The following RDH8 variants were observed in gnomAD, a reference collection of about 807,000 sequenced individuals.
The protein encoded by RDH8 is photoreceptor outer segment all-trans retinol dehydrogenase.
Under a neutral mutation model 22.3 loss-of-function variants are expected in RDH8, and 14 were observed. The observed-to-expected ratio is 0.63, with a 90% CI of 0.42 to 0.98. The LOEUF is 0.98. Ranked by LOEUF, RDH8 falls within the 50% of genes least tolerant of loss-of-function variation. The pLI is 0.00. For missense variants in RDH8, 389 were observed against 409.8 expected (o/e 0.95, Z 0.44); for synonymous variants, 175 against 171.7 (o/e 1.02, Z -0.15).
intron 1 of RDH8, among the ~76,000 whole-genome samples, chr19:10,014,956 C>T (rs2087598934): frequency 6.6e-6 from 1 of 152,194 alleles, no homozygotes; most frequent in Non-Finnish European, 1.5e-5. Flanking sequence ...CCCTTGCACC[C>T]ATGTTTCCCA....
rs761677789 is a variant in RDH8, at chr19:10,018,758, G to A, written c.290G>A (p.Gly97Glu). 31 of 1,611,564 alleles carry A rather than the reference G, an allele frequency of 1.9e-5. No homozygotes were observed. In the Admixed American group the frequency reaches 4.0e-4, roughly 21 times the overall value. Residue 97 changes from glycine (G) to glutamate (E), a missense_variant, in exon 3 of 6, where the codon GGG becomes GAG. By Grantham distance (98) the Gly-to-Glu change is moderately conservative (BLOSUM62 -2). Coordinates refer to ENST00000591589, the MANE Select transcript of RDH8 (RefSeq NM_015725.4). Reference sequence around the variant, plus strand: ...AATAATGCTGGAATGGGCCTGGTGGGGCCCCTGGAGGGGCTCAGCCTTGCT... The same window carrying A: ...AATAATGCTGGAATGGGCCTGGTGGAGCCCCTGGAGGGGCTCAGCCTTGCT... ...LVNNAGMGLV[G>E]PLEGLSLAAM...
At chr19:10,015,380 G>C (rs924192918) in intron 1 of RDH8, among the ~76,000 whole-genome samples, 3 of 151,996 alleles carry the variant, frequency 2.0e-5, no homozygotes, top group African/African-American at 7.3e-5. Context: ...GTGAACCTGT[G>C]GGGTGGAGCT....
rs184814224 is a variant in RDH8, at chr19:10,021,766, C to T, written c.*17C>T. 11 of 1,608,668 alleles carry T rather than the reference C, an allele frequency of 6.8e-6. No homozygotes were observed. Among genetic ancestry groups the T allele is most frequent in the South Asian group, 3.3e-5 (3 of 90,966 alleles). ...CCAAGATGAGCAGAACAGAGCTTCACGATCCCCATCCCTGAACAACCAGAC... is the reference window on the plus strand; with the variant it reads ...CCAAGATGAGCAGAACAGAGCTTCATGATCCCCATCCCTGAACAACCAGAC... On this transcript the variant is annotated 3_prime_UTR_variant, in exon 6 of 6. Coordinates refer to ENST00000591589, the MANE Select transcript of RDH8 (RefSeq NM_015725.4).
At chr19:10,016,831 A>G (rs2145165835) in intron 1 of RDH8, among the ~76,000 whole-genome samples, 1 of 152,268 alleles carries the variant, frequency 6.6e-6, no homozygotes, top group African/African-American at 2.4e-5. Context: ...TGTATAGTAG[A>G]TGCTCAATAA....
chr19:10,021,573 C>A lies in RDH8; in HGVS notation c.760C>A (p.Arg254Ser). The A allele has an allele frequency of 3.7e-6, 6 of 1,614,136 alleles. No individual in the cohort carries two copies. The highest frequency in any genetic ancestry group is 5.1e-6 in the Non-Finnish European group (6 of 1,180,026). Residue 254 changes from arginine (R) to serine (S), a missense_variant, in exon 6 of 6, where the codon CGC (arginine) becomes AGC (serine). Physicochemically the swap from Arg to Ser is moderately radical, Grantham distance 110 (BLOSUM62 -1). Coordinates refer to ENST00000591589, the MANE Select transcript of RDH8 (RefSeq NM_015725.4). ...CATCAGCTCGACTCGACCACCCCTG[C>A]GCCGACAGACCAACATCCGCTACTC... ...NVISSTRPPL[R>S]RQTNIRYSPL...
intron 1 of RDH8, among the ~76,000 whole-genome samples, chr19:10,014,059 G>A (rs2087589992): frequency 6.6e-6 from 1 of 152,112 alleles, no homozygotes; most frequent in South Asian, 2.1e-4. Context: ...CTTTTACTGA[G>A]ATAAGCTTCT....
At position 10,013,710 on chromosome 19, in the gene RDH8, G is replaced by A. The variant is rs574463643; in HGVS notation, c.103+110G>A. The A allele has an allele frequency of 2.1e-4, 244 of 1,136,684 alleles. 3 individuals carry two copies. The South Asian group carries it at 2.9e-3, about 13-fold the overall frequency. 70.4% of individuals were successfully genotyped at this position (1,136,684 alleles called of 1,614,324 possible). The stretch of plus-strand genomic sequence containing the variant: ...GCACTTGTGGGCTTGGGGAGACCCA[G>A]GATTCCCTCCAGGAATCATCCCCTC... On this transcript the variant is annotated intron_variant, in intron 1 of 5. Coordinates refer to ENST00000591589, the MANE Select transcript of RDH8 (RefSeq NM_015725.4).
chr19:10,021,654 A>T lies in RDH8; in HGVS notation c.841A>T (p.Thr281Ser). The change falls in exon 6 of 6, where the codon ACC becomes TCC. Residue 281 changes from threonine to serine, a missense_variant. Physicochemically the swap from Thr to Ser is moderately conservative, Grantham distance 58. Coordinates refer to ENST00000591589, the MANE Select transcript of RDH8 (RefSeq NM_015725.4). ...CTCTGGCAGCCTGTATGTGCGAACG[A>T]CCCACCGCCTCCTCTTCCGCTGTCC... ...DSSGSLYVRT[T>S]HRLLFRCPRL... 6.2e-7 allele frequency: 1 copy of T among 1,613,880 alleles called. No homozygotes were observed. Among genetic ancestry groups the T allele is most frequent in the Non-Finnish European group, 8.5e-7 (1 of 1,179,964 alleles).
At position 10,019,061 on chromosome 19, in the gene RDH8, C is replaced by G; in HGVS notation, c.442+151C>G. Reference sequence around the variant, plus strand: ...CCTGTAATCTTAGCACTTTGGGAGGCTGAGACGGGTGGATTGCCTGAGCTC... The same window carrying G: ...CCTGTAATCTTAGCACTTTGGGAGGGTGAGACGGGTGGATTGCCTGAGCTC... On this transcript the variant is annotated intron_variant, in intron 3 of 5. Coordinates refer to ENST00000591589, the MANE Select transcript of RDH8 (RefSeq NM_015725.4). 3 of 626,288 alleles carry G rather than the reference C, an allele frequency of 4.8e-6. No homozygotes were observed. In the South Asian group the frequency reaches 8.1e-5, roughly 17 times the overall value. 38.8% of individuals were successfully genotyped at this position (626,288 alleles called of 1,614,324 possible).
intron 3 of RDH8, among the ~76,000 whole-genome samples, chr19:10,020,359 A>AGGGGG (rs3075722): frequency 8.4e-6 from 1 of 119,398 alleles, no homozygotes; most frequent in African/African-American, 3.0e-5. Context: ...GGAGGGAGGG[A>AGGGGG]GGAAGGAAGG....
intron 3 of RDH8, among the ~76,000 whole-genome samples, 196 bp from the exon 4 acceptor site, chr19:10,020,513 C>T (rs902427509): frequency 6.6e-6 from 1 of 152,012 alleles, no homozygotes; most frequent in Non-Finnish European, 1.5e-5. Flanking sequence ...GCACCCGGCA[C>T]CCGAGAACAA....
At chr19:10,014,698 C>T (rs548940814) in intron 1 of RDH8, among the ~76,000 whole-genome samples, 5 of 152,172 alleles carry the variant, frequency 3.3e-5, no homozygotes, top group South Asian at 4.2e-4. Flanking sequence ...CCACCACACC[C>T]GGCTAAGTTT....
At chr19:10,015,204 C>T (rs1015414030) in intron 1 of RDH8, among the ~76,000 whole-genome samples, 2 of 152,122 alleles carry the variant, frequency 1.3e-5, no homozygotes, top group African/African-American at 4.8e-5. Flanking sequence ...GTAATCTCAG[C>T]ACTTTGGGAG....
At chr19:10,020,369 G>GGAGGGAGGGAGGGAGA (rs1164580378) in intron 3 of RDH8, among the ~76,000 whole-genome samples, 1 of 138,550 alleles carries the variant, frequency 7.2e-6, no homozygotes, top group Non-Finnish European at 1.5e-5. Context: ...AGGAAGGAAG[G>GGAGGGAGGGAGGGAGA]AAGGGAGGGA....
At position 10,018,911 on chromosome 19, in the gene RDH8, G is replaced by T. The variant is rs1418249308; in HGVS notation, c.442+1G>T. Reference sequence around the variant, plus strand: ...ATCAGCAGTGTCATGGGCCTGCAGGGTGAGCTGTGGGGACCCAACCCTGGA... The same window carrying T: ...ATCAGCAGTGTCATGGGCCTGCAGGTTGAGCTGTGGGGACCCAACCCTGGA... On this transcript the variant is annotated splice_donor_variant, in intron 3 of 5. Coordinates refer to ENST00000591589, the MANE Select transcript of RDH8 (RefSeq NM_015725.4). LOFTEE classifies it high-confidence loss of function. The T allele has an allele frequency of 1.3e-6, 2 of 1,598,814 alleles. No individual in the cohort carries two copies. The highest frequency in any genetic ancestry group is 1.7e-6 in the Non-Finnish European group (2 of 1,169,756).
In RDH8 at chr19:10,013,539, A is replaced by G. The variant is rs1261146917; in HGVS notation, c.42A>G (p.Ser14=). 6.2e-7 allele frequency: 1 copy of G among 1,609,230 alleles called. No homozygotes were observed. Among genetic ancestry groups the G allele is most frequent in the East Asian group, 2.2e-5 (1 of 44,678 alleles). ...APRTVLISGC[S]SGIGLELAVQ... ...GGACTGTGTTGATCTCCGGCTGCTC[A>G]TCAGGAATTGGTCTGGAACTTGCAG... Residue 14 remains serine, a synonymous_variant, in exon 1 of 6, where the codon TCA becomes TCG. Coordinates refer to ENST00000591589, the MANE Select transcript of RDH8 (RefSeq NM_015725.4).
intron 3 of RDH8, 44 bp from the exon 4 acceptor site, chr19:10,020,665 C>A: frequency 7.3e-7 from 1 of 1,363,096 alleles, no homozygotes; most frequent in Non-Finnish European, 1.0e-6. Context: ...ACAAAGCCCA[C>A]CTCCCAGACC....
At chr19:10,015,478 A>G (rs548349106) in intron 1 of RDH8, among the ~76,000 whole-genome samples, 3 of 152,114 alleles carry the variant, frequency 2.0e-5, no homozygotes, top group Admixed American at 6.6e-5. Flanking sequence ...AAATATACAA[A>G]AATTAGCCAG....
chr19:10,019,068 G>A (rs192917571), intron 3 of RDH8, among the ~76,000 whole-genome samples, 158 bp downstream of exon 3: 14 of 152,098 alleles, frequency 9.2e-5, no homozygotes, highest in Admixed American at 5.9e-4. Flanking sequence ...AGGCTGAGAC[G>A]GGTGGATTGC....
Sources: gnomAD v4.1 joint callset for allele counts (sites outside exome capture counted in the v4.1 genomes callset) on GRCh38, gnomAD v4.1.1 for gene constraint, MANE v1.5 for transcripts, NCBI Gene and HGNC (gene_info 2026-07-23, HGNC 2026-07-21) for gene names.